The following RAB6A variants were observed in gnomAD, a reference collection of about 807,000 sequenced individuals.
RAB6A encodes RAB6A, member RAS oncogene family.
Under a neutral mutation model 32.3 loss-of-function variants are expected in RAB6A, and 8 were observed. That is an observed-to-expected ratio of 0.25 (90% CI 0.15 to 0.45). The LOEUF (loss-of-function observed/expected upper bound fraction) is 0.45. Among genes scored for constraint, RAB6A ranks in the 20% least tolerant of loss-of-function variants. The pLI, the probability that RAB6A is intolerant of heterozygous loss-of-function variation, is 1.00. For missense variants in RAB6A, 104 were observed against 249.4 expected, an observed-to-expected ratio of 0.42 and a Z score of 3.93; for synonymous variants, 73 against 82.1, an observed-to-expected ratio of 0.89 and a Z score of 0.60.
intron 6 of RAB6A, among the ~76,000 whole-genome samples, chr11:73,705,798 G>C (rs990887804): frequency 1.3e-5 from 2 of 150,508 alleles, no homozygotes; most frequent in Middle Eastern, 3.5e-3. Flanking sequence ...GAGAGAGAGA[G>C]AGAGATTTTC....
At chr11:73,730,975 T>A in intron 1 of RAB6A, 152 bp from the exon 2 acceptor site, 1 of 589,880 alleles carries the variant, frequency 1.7e-6, no homozygotes, top group Non-Finnish European at 3.0e-6. Context: ...CCCAAGATTG[T>A]CAAAATGACT....
intron 1 of RAB6A, among the ~76,000 whole-genome samples, chr11:73,751,230 A>G (rs1946665188): frequency 6.6e-6 from 1 of 152,128 alleles, no homozygotes; most frequent in African/African-American, 2.4e-5. Context: ...AGTACGCTAT[A>G]ATCATGCCTG....
At chr11:73,718,909 T>TAAA in intron 3 of RAB6A, 191 bp from the exon 4 acceptor site, 1 of 1,362,140 alleles carries the variant, frequency 7.3e-7, no homozygotes, top group African/African-American at 1.8e-5. Flanking sequence ...TGGGAAAAAA[T>TAAA]AAATAAAAAA....
chr11:73,744,681 A>G (rs906571552), intron 1 of RAB6A, among the ~76,000 whole-genome samples: 26 of 152,214 alleles, frequency 1.7e-4, no homozygotes, highest in Non-Finnish European at 3.4e-4. Flanking sequence ...TGGAAAGTTC[A>G]AAATAAGCAC....
chr11:73,720,327 C>T (rs2134950584), intron 3 of RAB6A, among the ~76,000 whole-genome samples: 1 of 151,676 alleles, frequency 6.6e-6, no homozygotes, highest in South Asian at 2.1e-4. Flanking sequence ...ATTATAGGCG[C>T]CCGCCACCAC....
intron 5 of RAB6A, among the ~76,000 whole-genome samples, chr11:73,710,401 A>T (rs1213864979): frequency 6.6e-6 from 1 of 152,098 alleles, no homozygotes; most frequent in African/African-American, 2.4e-5. Flanking sequence ...AATCATTTTG[A>T]AATAACAATA....
intron 1 of RAB6A, among the ~76,000 whole-genome samples, chr11:73,757,691 G>A (rs535280712): frequency 6.6e-6 from 1 of 152,082 alleles, no homozygotes; most frequent in Admixed American, 6.6e-5. Context: ...CTAAACGATT[G>A]GTTTCTCTAC....
rs114417584 is a variant in RAB6A at position 73,731,150 on chromosome 11, C to T, written c.71-327G>A. ...AAAAAGAATTAATGGAGGCTTAGGT[C>T]CACTTCATCTAGCAAATCAAAGTAT... On this transcript the variant is annotated intron_variant, in intron 1 of 7. Transcript: ENST00000336083. Among the ~76,000 whole-genome samples, 284 of 152,196 alleles carry T rather than the reference C, an allele frequency of 1.9e-3. 2 individuals are homozygous for T. Among genetic ancestry groups the T allele is most frequent in the African/African-American group, 6.7e-3 (280 of 41,520 alleles).
At chr11:73,707,100 A>G (rs1945858129) in intron 6 of RAB6A, among the ~76,000 whole-genome samples, 1 of 151,216 alleles carries the variant, frequency 6.6e-6, no homozygotes, top group African/African-American at 2.4e-5. Flanking sequence ...CCTCGGCAAC[A>G]AGAGCGAAAC....
intron 3 of RAB6A, among the ~76,000 whole-genome samples, chr11:73,719,215 T>A (rs1428142338): frequency 6.6e-6 from 1 of 152,114 alleles, no homozygotes; most frequent in Non-Finnish European, 1.5e-5. Context: ...AAAAGTAGAC[T>A]GTTGATGGTT....
intron 6 of RAB6A, among the ~76,000 whole-genome samples, chr11:73,680,280 T>TA (rs1945334284): frequency 2.0e-5 from 3 of 152,122 alleles, no homozygotes; most frequent in Admixed American, 2.0e-4. Context: ...ATTTGAATAA[T>TA]AAAGTATTAC....
At chr11:73,721,294 G>T (rs937458285) in intron 2 of RAB6A, among the ~76,000 whole-genome samples, 16 of 152,182 alleles carry the variant, frequency 1.1e-4, no homozygotes, top group African/African-American at 3.6e-4. Flanking sequence ...CCCAAGAGCA[G>T]TTTTATAAAA....
At chr11:73,729,525 T>G (rs1053502656) in intron 2 of RAB6A, 15 of 152,246 alleles carry the variant, frequency 9.9e-5, no homozygotes, top group African/African-American at 3.6e-4. Flanking sequence ...TTCAAAGAAC[T>G]GCTTTTGGTT....
At chr11:73,715,370 G>A (rs564442151) in intron 5 of RAB6A, among the ~76,000 whole-genome samples, 2 of 152,018 alleles carry the variant, frequency 1.3e-5, no homozygotes, top group Admixed American at 6.6e-5. Flanking sequence ...GTGTTCCACC[G>A]TCCTTGGCCT....
intron 6 of RAB6A, among the ~76,000 whole-genome samples, chr11:73,697,659 T>C (rs1945675734): frequency 1.3e-5 from 2 of 152,192 alleles, no homozygotes; most frequent in Admixed American, 1.3e-4. Flanking sequence ...TACTTCATTT[T>C]TCTCTATAGA....
intron 5 of RAB6A, among the ~76,000 whole-genome samples, chr11:73,709,187 C>T (rs906825196): frequency 1.3e-5 from 2 of 152,000 alleles, no homozygotes; most frequent in African/African-American, 4.8e-5. Context: ...AACATCATAC[C>T]ATCATTGAAT....
At chr11:73,709,437 A>ATATGAT (rs1945904187) in intron 5 of RAB6A, among the ~76,000 whole-genome samples, 1 of 137,134 alleles carries the variant, frequency 7.3e-6, no homozygotes. Flanking sequence ...CTCCTTAAGT[A>ATATGAT]TATTATTATT....
intron 1 of RAB6A, among the ~76,000 whole-genome samples, chr11:73,733,629 A>T (rs1362680331): frequency 6.6e-6 from 1 of 152,002 alleles, no homozygotes; most frequent in African/African-American, 2.4e-5. Flanking sequence ...CATAAAATGA[A>T]ATATTACAAT....
intron 2 of RAB6A, among the ~76,000 whole-genome samples, chr11:73,723,826 G>T (rs1216899129): frequency 1.3e-5 from 2 of 152,150 alleles, no homozygotes; most frequent in Non-Finnish European, 2.9e-5. Context: ...GACAATAAAA[G>T]ATATTATGGT....
Sources: allele counts gnomAD v4.1 joint callset (sites outside exome capture counted in the v4.1 genomes callset), GRCh38; gene constraint gnomAD v4.1.1; transcripts MANE v1.5; gene names NCBI Gene and HGNC (gene_info 2026-07-23, HGNC 2026-07-21).